The following PUM3 variants were observed in gnomAD, a reference collection of about 807,000 sequenced individuals.
The protein encoded by PUM3 is pumilio RNA binding family member 3.
Under a neutral mutation model 84.0 loss-of-function variants are expected in PUM3, and 91 were observed. The observed-to-expected ratio is 1.08, with a 90% confidence interval of 0.91 to 1.29. PUM3 has a LOEUF of 1.29. Ranked by LOEUF, PUM3 falls within the 50% of genes most tolerant of loss-of-function variation. The pLI is 0.00. For missense variants in PUM3, 1,067 were observed against 767.5 expected (o/e 1.39, Z -4.61); for synonymous variants, 321 against 266.7 (o/e 1.20, Z -1.98).
chr9:2,832,477 G>A (rs1340595833), intron 5 of PUM3, among the ~76,000 whole-genome samples: 1 of 152,126 alleles, frequency 6.6e-6, no homozygotes, highest in African/African-American at 2.4e-5. Context: ...CTAGCCTATA[G>A]TAAATAATCA....
intron 12 of PUM3, among the ~76,000 whole-genome samples, chr9:2,821,422 C>T (rs1372606469): frequency 3.2e-4 from 32 of 101,524 alleles, no homozygotes; most frequent in African/African-American, 9.0e-4. Flanking sequence ...CCAGCCTGGG[C>T]GACAGAGCAA....
intron 12 of PUM3, among the ~76,000 whole-genome samples, chr9:2,822,656 G>C (rs1262097873): frequency 1.3e-5 from 2 of 149,690 alleles, no homozygotes; most frequent in Non-Finnish European, 3.0e-5. Context: ...ATTCAAATTA[G>C]AATGTCACGC....
In PUM3 at chr9:2,828,766, G is replaced by A. The variant is rs754814072; in HGVS notation, c.865C>T (p.Arg289Ter). 16 of 1,575,026 alleles carry A rather than the reference G, an allele frequency of 1.0e-5. No homozygotes were observed. The highest frequency in any genetic ancestry group is 2.2e-5 in the East Asian group (1 of 44,632). Residue 289 changes from arginine to a stop codon, truncating the protein, a stop_gained, in exon 9 of 18, where the codon CGA becomes TGA. Transcript: ENST00000397885. LOFTEE classifies it high-confidence loss of function. ...ACCTCTAACACTTTGTCCAGAGTTC[G>A]GTGATCTGCTGACTGCAACAAAACA... ...TFQLYKSADH[R>*]TLDKVLEVQP...
In PUM3 at chr9:2,810,535, C is replaced by A. The variant is rs971518832; in HGVS notation, c.1636-104G>T. ...ATGCCACCACATACAGATAAGGACT[C>A]AGCCACTTTTAAAGTTCCACAGGCT... On this transcript the variant is annotated intron_variant, in intron 15 of 17. Transcript: ENST00000397885. 12 of 751,422 alleles carry A rather than the reference C, an allele frequency of 1.6e-5. No individual in the cohort carries two copies. In the Admixed American group the frequency reaches 3.1e-4, roughly 20 times the overall value. The allele number at this position is 751,422 out of a possible 1,614,324, so 46.5% of individuals were successfully genotyped here. A position where few individuals can be genotyped will look rare whatever the true frequency, so the allele number is the denominator to read the frequency against.
chr9:2,809,723 G>A (rs967400465), intron 16 of PUM3, among the ~76,000 whole-genome samples: 1 of 152,192 alleles, frequency 6.6e-6, no homozygotes, highest in Non-Finnish European at 1.5e-5. Context: ...TCTGGTTGGA[G>A]ATAGGACTGA....
chr9:2,827,201 G>A, intron 9 of PUM3, 50 bp from the exon 10 acceptor site: 2 of 1,301,266 alleles, frequency 1.5e-6, no homozygotes, highest in Non-Finnish European at 2.2e-6. Context: ...TGGCACTACA[G>A]TCATACAAAG....
At chr9:2,839,370 G>A (rs1408553856) in intron 1 of PUM3, among the ~76,000 whole-genome samples, 1 of 152,162 alleles carries the variant, frequency 6.6e-6, no homozygotes, top group Non-Finnish European at 1.5e-5. Context: ...GATTAGAATT[G>A]CCCATTCAAG....
At chr9:2,816,527 A>G (rs1821473094) in intron 13 of PUM3, among the ~76,000 whole-genome samples, 1 of 152,242 alleles carries the variant, frequency 6.6e-6, no homozygotes, top group Non-Finnish European at 1.5e-5. Flanking sequence ...GTTTACCTCA[A>G]TTAAAAAGAA....
chr9:2,810,215 C>T, intron 16 of PUM3, 129 bp downstream of exon 16: 1 of 644,434 alleles, frequency 1.6e-6, no homozygotes, highest in South Asian at 1.8e-5. Flanking sequence ...ATTTCTTATT[C>T]ACAGACACCA....
At chr9:2,807,778 A>G in intron 17 of PUM3, 36 bp downstream of exon 17, 1 of 1,329,992 alleles carries the variant, frequency 7.5e-7, no homozygotes, top group Non-Finnish European at 1.1e-6. Flanking sequence ...TTGCATGACC[A>G]GGCCCTGCTC....
At chr9:2,841,898 G>C (rs982583762) in intron 1 of PUM3, among the ~76,000 whole-genome samples, 4 of 152,066 alleles carry the variant, frequency 2.6e-5, no homozygotes, top group South Asian at 2.1e-4. Context: ...AATTCCACGG[G>C]CTTCAACAAA....
intron 12 of PUM3, among the ~76,000 whole-genome samples, chr9:2,820,864 A>G (rs1724973204): frequency 6.6e-6 from 1 of 152,200 alleles, no homozygotes; most frequent in South Asian, 2.1e-4. Context: ...TGTTCCAAAC[A>G]TTTAAAGAAC....
intron 13 of PUM3, among the ~76,000 whole-genome samples, chr9:2,814,024 T>A (rs1163331790): frequency 6.6e-6 from 1 of 152,234 alleles, no homozygotes; most frequent in Non-Finnish European, 1.5e-5. Context: ...ATGTAACACA[T>A]AAAAGTTTTC....
intron 10 of PUM3, among the ~76,000 whole-genome samples, chr9:2,825,383 TA>T (rs1331693706): frequency 6.6e-6 from 1 of 152,210 alleles, no homozygotes; most frequent in Non-Finnish European, 1.5e-5. Flanking sequence ...ACCTCACCTA[TA>T]AAATGACCCT....
At chr9:2,809,015 C>T (rs1008090320) in intron 16 of PUM3, among the ~76,000 whole-genome samples, 24 of 152,220 alleles carry the variant, frequency 1.6e-4, no homozygotes, top group African/African-American at 5.1e-4. Flanking sequence ...GGCTGTTGGT[C>T]CCCAGCCAAC....
Position 2,812,338 on chromosome 9 carries a change from T to C in PUM3, c.1294A>G (p.Ile432Val). Residue 432 changes from isoleucine (I) to valine (V), a missense_variant, in exon 14 of 18, where the codon ATA becomes GTA. Coordinates refer to ENST00000397885, the MANE Select transcript of PUM3 (RefSeq NM_014878.5). ...TTCCTTCCATATTTGTCATTTACTA[T>C]GCTAGGCAATGAACTGATAATTTCC... The part of the protein sequence containing the change: ...ISEIISSLPS[I>V]VNDKYGRKVL... The C allele has an allele frequency of 1.9e-6, 3 of 1,586,518 alleles. No homozygotes were observed. The highest frequency in any genetic ancestry group is 8.6e-7 in the Non-Finnish European group (1 of 1,156,168).
At chr9:2,839,909 CA>C in intron 1 of PUM3, among the ~76,000 whole-genome samples, 1 of 152,296 alleles carries the variant, frequency 6.6e-6, no homozygotes, top group South Asian at 2.1e-4. Context: ...ACCCTTTCCC[CA>C]GCTTCCCCTA....
chr9:2,837,497 C>T, intron 2 of PUM3, 96 bp from the exon 3 acceptor site: 9 of 755,050 alleles, frequency 1.2e-5, no homozygotes, highest in South Asian at 1.8e-5. Flanking sequence ...ACTTTTTAAT[C>T]CCAATACCAT....
intron 10 of PUM3, among the ~76,000 whole-genome samples, chr9:2,825,626 G>C (rs964097881): frequency 3.3e-5 from 5 of 151,994 alleles, no homozygotes; most frequent in African/African-American, 1.2e-4. Flanking sequence ...GGGGCTACAG[G>C]TGCCCGCCAC....
Sources: allele counts gnomAD v4.1 joint callset (sites outside exome capture counted in the v4.1 genomes callset), GRCh38; gene constraint gnomAD v4.1.1; transcripts MANE v1.5; gene names NCBI Gene and HGNC (gene_info 2026-07-23, HGNC 2026-07-21).